The following CCDC148 variants were observed in gnomAD, a reference collection of about 807,000 sequenced individuals.
The protein encoded by CCDC148 is coiled-coil domain containing 148, also known as coiled-coil domain-containing protein 148.
A neutral mutation model predicts 85.7 loss-of-function variants in CCDC148; 89 were observed. The ratio of observed to expected loss-of-function variants is 1.04; its 90% CI spans 0.87 to 1.24. The LOEUF is 1.24. Ranked by LOEUF, CCDC148 falls within the 50% of genes most tolerant of loss-of-function variation. The probability of loss-of-function intolerance (pLI) is 0.00; values close to 1 mark genes in which losing one functional copy is unlikely to be tolerated. For missense variants in CCDC148, 692 were observed against 671.7 expected (o/e 1.03, Z -0.33); for synonymous variants, 230 against 213.9 (o/e 1.08, Z -0.66).
chr2:158,334,414 T>C (rs912023522), intron 7 of CCDC148, among the ~76,000 whole-genome samples: 2 of 86,008 alleles, frequency 2.3e-5, no homozygotes, highest in African/African-American at 1.0e-4. Flanking sequence ...GTGGCAACTA[T>C]GTTTCTACAT....
At chr2:158,281,470 A>G (rs1192359857) in intron 9 of CCDC148, among the ~76,000 whole-genome samples, 2 of 152,148 alleles carry the variant, frequency 1.3e-5, no homozygotes, top group Admixed American at 1.3e-4. Context: ...ACAGAAATAC[A>G]AACTACCATC....
At chr2:158,380,772 T>C (rs10167316) in intron 1 of CCDC148, 61,057 of 151,874 alleles carry the variant, frequency 0.4, 13,017 homozygotes, top group South Asian at 0.61. Flanking sequence ...GATGGGCAAA[T>C]AGGTCAATGA....
chr2:158,449,536 C>A (rs1480015774), intron 1 of CCDC148, among the ~76,000 whole-genome samples: 1 of 152,030 alleles, frequency 6.6e-6, no homozygotes, highest in African/African-American at 2.4e-5. Context: ...CAGCCCCCAC[C>A]TCCTGGGTTC....
At chr2:158,403,675 G>A (rs2105308118) in intron 1 of CCDC148, among the ~76,000 whole-genome samples, 1 of 147,756 alleles carries the variant, frequency 6.8e-6, no homozygotes. Context: ...CAAGATTATT[G>A]GTCCTGTCTC....
intron 1 of CCDC148, among the ~76,000 whole-genome samples, chr2:158,395,872 C>T (rs2105301100): frequency 6.6e-6 from 1 of 152,244 alleles, no homozygotes; most frequent in East Asian, 1.9e-4. Flanking sequence ...AATAGCTATA[C>T]AAAGTGCTTG....
At chr2:158,258,915 C>T (rs1034619642) in intron 9 of CCDC148, among the ~76,000 whole-genome samples, 1 of 151,776 alleles carries the variant, frequency 6.6e-6, no homozygotes, top group Non-Finnish European at 1.5e-5. Flanking sequence ...AATGTGTAAA[C>T]TCCCAGGTAT....
chr2:158,444,652 C>T (rs1309888105), intron 1 of CCDC148, among the ~76,000 whole-genome samples: 1 of 151,552 alleles, frequency 6.6e-6, no homozygotes, highest in East Asian at 1.9e-4. Flanking sequence ...CATGGTGGCA[C>T]ATGCCTGTGG....
chr2:158,345,778 G>A (rs1682966195), intron 2 of CCDC148, among the ~76,000 whole-genome samples: 1 of 152,092 alleles, frequency 6.6e-6, no homozygotes, highest in African/African-American at 2.4e-5. Flanking sequence ...ATAAATATCA[G>A]AGTAACAAAG....
intron 11 of CCDC148, among the ~76,000 whole-genome samples, chr2:158,217,058 T>C (rs1280935923): frequency 6.6e-6 from 1 of 152,042 alleles, no homozygotes; most frequent in Admixed American, 6.6e-5. Context: ...TCCCTCTTAA[T>C]CTCAATGGCA....
rs993213657 is a variant in CCDC148, at chr2:158,339,133, C to T, written c.487-48G>A. On this transcript the variant is annotated intron_variant, in intron 5 of 13. Transcript: ENST00000283233. The stretch of plus-strand genomic sequence containing the variant: ...AGTAGGCAAATTATTGCAATTCATT[C>T]CATATTTATATTTAAAGACACAATA... 4.0e-6 allele frequency: 5 copies of T among 1,247,038 alleles called. No homozygotes were observed. The African/African-American group carries it at 7.4e-5, about 18-fold the overall frequency. The allele number at this position is 1,247,038 out of a possible 1,614,324, so 77.2% of individuals were successfully genotyped here. A position where few individuals can be genotyped will look rare whatever the true frequency, so the allele number is the denominator to read the frequency against.
chr2:158,311,332 G>C (rs1232456837), intron 8 of CCDC148, among the ~76,000 whole-genome samples: 1 of 152,236 alleles, frequency 6.6e-6, no homozygotes, highest in African/African-American at 2.4e-5. Flanking sequence ...CCAGTCAGGC[G>C]TGGCGGCGCG....
At chr2:158,213,801 C>T (rs1409922420) in intron 11 of CCDC148, among the ~76,000 whole-genome samples, 1 of 152,086 alleles carries the variant, frequency 6.6e-6, no homozygotes, top group African/African-American at 2.4e-5. Context: ...TTTAAAAACA[C>T]CTGAAAACAA....
intron 1 of CCDC148, chr2:158,419,857 TC>T (rs1686686894): frequency 1.3e-5 from 2 of 152,116 alleles, no homozygotes; most frequent in South Asian, 4.1e-4. Flanking sequence ...AGTAGGTCTT[TC>T]CCCACCCCTA....
intron 7 of CCDC148, among the ~76,000 whole-genome samples, chr2:158,316,523 T>A (rs114956289): frequency 2.1e-3 from 327 of 152,300 alleles, no homozygotes; most frequent in African/African-American, 7.4e-3. Context: ...TTTTTCCAGT[T>A]ACCAAAATTA....
chr2:158,337,536 TAATC>T (rs1489235152), intron 7 of CCDC148, among the ~76,000 whole-genome samples: 1 of 152,140 alleles, frequency 6.6e-6, no homozygotes, highest in African/African-American at 2.4e-5. Flanking sequence ...AACATGTAAT[TAATC>T]AATCATCAAG....
intron 7 of CCDC148, among the ~76,000 whole-genome samples, chr2:158,317,149 T>C (rs4502367): frequency 0.41 from 62,021 of 151,982 alleles, 13,291 homozygotes; most frequent in South Asian, 0.61. Flanking sequence ...GACTCTACGT[T>C]AAAAGAAAAT....
At chr2:158,357,497 G>A (rs886617899) in intron 2 of CCDC148, among the ~76,000 whole-genome samples, 1 of 152,210 alleles carries the variant, frequency 6.6e-6, no homozygotes, top group East Asian at 1.9e-4. Context: ...ACATATATGT[G>A]TACAATAAAC....
In CCDC148 at chr2:158,416,212, T is replaced by TGGGCCCA. The variant is rs1417163821; in HGVS notation, c.25+40196_25+40202dup. On this transcript the variant is annotated intron_variant, in intron 1 of 13. Transcript: ENST00000283233. ...AAGGCTGCACAGGGCAGCAGGGCCC[T>TGGGCCCA]GGGCCCAGCCCAGGAAACCATTCTT... is the stretch of plus-strand genomic sequence containing the variant. Among the ~76,000 whole-genome samples, 4 of 152,304 alleles carry TGGGCCCA rather than the reference T, an allele frequency of 2.6e-5. No individual in the cohort carries two copies. In the East Asian group the frequency reaches 7.7e-4, roughly 29 times the overall value.
At chr2:158,174,989 T>C (rs1287463886) in intron 13 of CCDC148, among the ~76,000 whole-genome samples, 4 of 152,062 alleles carry the variant, frequency 2.6e-5, no homozygotes. Context: ...TTGCTACTAC[T>C]GGTCAAATGC....
Sources: gnomAD v4.1 joint callset for allele counts (sites outside exome capture counted in the v4.1 genomes callset) on GRCh38, gnomAD v4.1.1 for gene constraint, MANE v1.5 for transcripts, NCBI Gene and HGNC (gene_info 2026-07-23, HGNC 2026-07-21) for gene names.